The following PIGN variants were observed in gnomAD, a reference collection of about 807,000 sequenced individuals.
PIGN encodes phosphatidylinositol glycan anchor biosynthesis class N.
PIGN carries 117 observed loss-of-function variants against 125.4 expected under a neutral mutation model. The observed-to-expected ratio is 0.93, with a 90% CI of 0.80 to 1.09. The LOEUF is 1.09. Among genes scored for constraint, PIGN ranks in the 50% least tolerant of loss-of-function variants. The pLI, the probability that PIGN is intolerant of heterozygous loss-of-function variation, is 0.00. For missense variants in PIGN, 1,075 were observed against 1,094.9 expected, an observed-to-expected ratio of 0.98 and a Z score of 0.26; for synonymous variants, 392 against 377.8, an observed-to-expected ratio of 1.04 and a Z score of -0.44.
intron 1 of PIGN, among the ~76,000 whole-genome samples, chr18:62,180,173 A>AT (rs751228466): frequency 6.6e-6 from 1 of 152,222 alleles, no homozygotes; most frequent in African/African-American, 2.4e-5. Context: ...TTTTTTTAAA[A>AT]AATGAAATAG....
chr18:62,103,014 A>C (rs1157355964), intron 20 of PIGN, 112 bp from the exon 21 acceptor site: 2 of 475,178 alleles, frequency 4.2e-6, no homozygotes, highest in African/African-American at 4.0e-5. Context: ...CATTTGGCTT[A>C]ATCAAGAGGA....
chr18:62,020,836 C>T (rs2030045681), intron 23 of PIGN, among the ~76,000 whole-genome samples: 1 of 151,678 alleles, frequency 6.6e-6, no homozygotes, highest in African/African-American at 2.4e-5. Context: ...TAGCAGGCGC[C>T]TGTAGTCCCA....
chr18:62,116,420 T>G (rs1229363146), intron 14 of PIGN, among the ~76,000 whole-genome samples: 3 of 152,212 alleles, frequency 2.0e-5, no homozygotes. Flanking sequence ...CCTGGACTAT[T>G]GATGACCCTC....
intron 14 of PIGN, among the ~76,000 whole-genome samples, chr18:62,124,248 A>C (rs1312652381): frequency 6.6e-6 from 1 of 152,330 alleles, no homozygotes; most frequent in East Asian, 1.9e-4. Flanking sequence ...ATTATTTACT[A>C]TATTACTGAA....
In PIGN at chr18:62,043,613, AT is replaced by A. The variant is rs2030463457; in HGVS notation, c.*2242del. On this transcript the variant is annotated 3_prime_UTR_variant, in exon 31 of 31. Coordinates refer to ENST00000640252, the MANE Select transcript of PIGN (RefSeq NM_176787.5). ...ATTTATAACATTATTTTCCTAAAAAATAAAAAAGCATTTTGTATTCTAAATA... is the reference window on the plus strand; with the variant it reads ...ATTTATAACATTATTTTCCTAAAAAAAAAAAAGCATTTTGTATTCTAAATA... The A allele has an allele frequency of 6.6e-6, 1 of 152,254 alleles. No individual in the cohort carries two copies. The highest frequency in any genetic ancestry group is 1.5e-5 in the Non-Finnish European group (1 of 68,044). 9.4% of individuals were successfully genotyped at this position (152,254 alleles called of 1,614,324 possible). A position where few individuals can be genotyped will look rare whatever the true frequency, so the allele number is the denominator to read the frequency against.
intron 14 of PIGN, among the ~76,000 whole-genome samples, chr18:62,130,631 T>C (rs991114379): frequency 2.0e-5 from 3 of 152,188 alleles, no homozygotes; most frequent in Admixed American, 6.5e-5. Flanking sequence ...CTTAATACTA[T>C]AGAATAAGGT....
intron 7 of PIGN, 61 bp from the exon 8 acceptor site, chr18:62,148,399 T>C: frequency 8.8e-7 from 1 of 1,138,252 alleles, no homozygotes; most frequent in Non-Finnish European, 1.2e-6. Flanking sequence ...AAAATAATAC[T>C]GATGAAAACA....
At chr18:62,176,902 TAC>T (rs1196458538) in intron 1 of PIGN, among the ~76,000 whole-genome samples, 1 of 152,116 alleles carries the variant, frequency 6.6e-6, no homozygotes, top group African/African-American at 2.4e-5. Context: ...GTAAAGGGTG[TAC>T]TGGAACTCTG....
chr18:62,138,962 C>G (rs771578276), intron 13 of PIGN, 21 bp downstream of exon 13: 1 of 1,416,588 alleles, frequency 7.1e-7, no homozygotes, highest in South Asian at 1.4e-5. Flanking sequence ...TTGTGCGTGC[C>G]TTTTTGAATT....
intron 23 of PIGN, among the ~76,000 whole-genome samples, chr18:62,026,883 C>T (rs2030126596): frequency 6.6e-6 from 1 of 152,170 alleles, no homozygotes; most frequent in Non-Finnish European, 1.5e-5. Flanking sequence ...AAGGATGTTT[C>T]CTTTGAGGGA....
chr18:62,037,319 CATTT>C (rs34842953), downstream of PIGN, among the ~76,000 whole-genome samples: 1,578 of 152,292 alleles, frequency 0.01, 19 homozygotes, highest in East Asian at 0.048. Context: ...CTGGAACATT[CATTT>C]AGTCTCTTGG....
rs1232298758 is a variant in PIGN at position 62,045,000 on chromosome 18, A to G, written c.*856T>C. The G allele has an allele frequency of 6.6e-6, 1 of 152,188 alleles. No individual in the cohort carries two copies. The highest frequency in any genetic ancestry group is 2.1e-4 in the South Asian group (1 of 4,828). 9.4% of individuals were successfully genotyped at this position (152,188 alleles called of 1,614,324 possible). A position where few individuals can be genotyped will look rare whatever the true frequency, so the allele number is the denominator to read the frequency against. ...TATGAATTCTTATGATATTGTCAGA[A>G]AGTTTAACAGGAGTTATTTTAACTC... On this transcript the variant is annotated 3_prime_UTR_variant, in exon 31 of 31. Transcript: ENST00000640252.
At chr18:62,138,913 T>C (rs2036032379) in intron 13 of PIGN, 70 bp downstream of exon 13, 1 of 758,022 alleles carries the variant, frequency 1.3e-6, no homozygotes. Flanking sequence ...ATATTTTCCC[T>C]AAATATATTC....
In PIGN at chr18:62,042,189, T is replaced by C. The variant is rs150080692; in HGVS notation, c.*3667A>G. The stretch of plus-strand genomic sequence containing the variant: ...TATGAAAATTAGCCAGACGTGGTGG[T>C]GGGCACCTGTAATCCCAGCTACTCA... On this transcript the variant is annotated 3_prime_UTR_variant, in exon 31 of 31. Coordinates refer to ENST00000640252, the MANE Select transcript of PIGN (RefSeq NM_176787.5). The C allele has an allele frequency of 0.067, 10,121 of 151,986 alleles. 622 individuals are homozygous for C. The highest frequency in any genetic ancestry group is 0.16 in the African/African-American group (6,674 of 41,424). 9.4% of individuals were successfully genotyped at this position (151,986 alleles called of 1,614,324 possible).
intron 14 of PIGN, among the ~76,000 whole-genome samples, chr18:62,132,076 T>C (rs1304560178): frequency 6.6e-6 from 1 of 152,088 alleles, no homozygotes; most frequent in Non-Finnish European, 1.5e-5. Context: ...AGAACCTGGG[T>C]TATCTTTTTT....
At chr18:62,152,148 A>G (rs1409131978) in intron 7 of PIGN, among the ~76,000 whole-genome samples, 1 of 152,128 alleles carries the variant, frequency 6.6e-6, no homozygotes, top group East Asian at 1.9e-4. Flanking sequence ...TCCGGTTGGC[A>G]ATTGGTTGAG....
intron 23 of PIGN, among the ~76,000 whole-genome samples, chr18:62,026,489 CT>C: frequency 6.6e-6 from 1 of 152,210 alleles, no homozygotes. Context: ...CAAGAACCAA[CT>C]GATGACAAAT....
chr18:62,181,124 T>A (rs562224862), intron 1 of PIGN, among the ~76,000 whole-genome samples: 1 of 152,276 alleles, frequency 6.6e-6, no homozygotes, highest in South Asian at 2.1e-4. Context: ...AAATTACACA[T>A]CAGAAAGAAA....
intron 6 of PIGN, among the ~76,000 whole-genome samples, chr18:62,156,531 T>G (rs1035560989): frequency 6.6e-6 from 1 of 152,106 alleles, no homozygotes; most frequent in Non-Finnish European, 1.5e-5. Flanking sequence ...GGGTCTCACC[T>G]TGTTGCCCAG....
Sources: gnomAD v4.1 joint callset for allele counts (sites outside exome capture counted in the v4.1 genomes callset) on GRCh38, gnomAD v4.1.1 for gene constraint, MANE v1.5 for transcripts, NCBI Gene and HGNC (gene_info 2026-07-23, HGNC 2026-07-21) for gene names.